Variants in OR6N1 observed in about 807,000 individuals in gnomAD.
OR6N1 encodes the protein olfactory receptor family 6 subfamily N member 1.
For missense variants in OR6N1, 394 were observed against 371.7 expected, an observed-to-expected ratio of 1.06 and a Z score of -0.49; for synonymous variants, 170 against 150.7, an observed-to-expected ratio of 1.13 and a Z score of -0.94.
the OR6N1 span, among the ~76,000 whole-genome samples, chr1:158,833,716 C>T: frequency 7.2e-5 from 11 of 152,206 alleles, no homozygotes; most frequent in South Asian, 1.7e-3. Flanking sequence ...CCATAAAATA[C>T]GTAAGAAACC....
At chr1:158,819,878 C>A in the OR6N1 span, among the ~76,000 whole-genome samples, 1 of 152,182 alleles carries the variant, frequency 6.6e-6, no homozygotes, top group African/African-American at 2.4e-5. Flanking sequence ...CCGAGTTCAG[C>A]TCGGTCAGGG....
At chr1:158,813,505 A>G in the OR6N1 span, among the ~76,000 whole-genome samples, 2 of 152,106 alleles carry the variant, frequency 1.3e-5, no homozygotes. Context: ...AAGAATATTT[A>G]TATTTGCTTG....
At chr1:158,831,986 A>T in the OR6N1 span, among the ~76,000 whole-genome samples, 2 of 152,214 alleles carry the variant, frequency 1.3e-5, no homozygotes, top group African/African-American at 4.8e-5. Context: ...TCTCTATTTT[A>T]AAAAGCATAG....
chr1:158,774,632 T>C (rs1165869544), upstream of OR6N1: 1 of 152,192 alleles, frequency 6.6e-6, no homozygotes, highest in Non-Finnish European at 1.5e-5. Context: ...CATGAAAATT[T>C]ATGTTTACGC....
the OR6N1 span, among the ~76,000 whole-genome samples, chr1:158,817,682 C>T: frequency 6.6e-6 from 1 of 152,134 alleles, no homozygotes; most frequent in East Asian, 1.9e-4. Flanking sequence ...GGAGACATGC[C>T]TACCTGTGGA....
the OR6N1 span, among the ~76,000 whole-genome samples, chr1:158,826,279 T>A: frequency 6.6e-6 from 1 of 152,118 alleles, no homozygotes; most frequent in Non-Finnish European, 1.5e-5. Context: ...AAATAAACAT[T>A]TTTTTAAAAA....
rs551387970 is a variant in OR6N1 at position 158,767,192 on chromosome 1, T to C, written c.-18-492A>G. Among the ~76,000 whole-genome samples, 56 of 152,344 alleles carry C rather than the reference T, an allele frequency of 3.7e-4. 1 individual carries two copies. Among genetic ancestry groups the C allele is most frequent in the African/African-American group, 1.3e-3 (55 of 41,576 alleles). The stretch of plus-strand genomic sequence containing the variant: ...AACTTTCTGGCTACCAAAGAATCAA[T>C]TGTTTTCCCTTCTGCTCCCTCCTAT... On this transcript the variant is annotated intron_variant, in intron 1 of 1. Coordinates refer to ENST00000641846, the MANE Select transcript of OR6N1 (RefSeq NM_001005185.2).
chr1:158,824,365 A>G, the OR6N1 span, among the ~76,000 whole-genome samples: 1 of 151,948 alleles, frequency 6.6e-6, no homozygotes, highest in Admixed American at 6.6e-5. Flanking sequence ...AGTCCAATAA[A>G]CCTTTTTTTC....
At chr1:158,800,599 T>C in the OR6N1 span, among the ~76,000 whole-genome samples, 1 of 152,134 alleles carries the variant, frequency 6.6e-6, no homozygotes, top group Admixed American at 6.5e-5. Flanking sequence ...CTTAGTCAAA[T>C]TTACTAAATT....
At chr1:158,829,955 A>C in the OR6N1 span, among the ~76,000 whole-genome samples, 1 of 152,176 alleles carries the variant, frequency 6.6e-6, no homozygotes, top group African/African-American at 2.4e-5. Flanking sequence ...AAACGATCAG[A>C]TCTCATGAGA....
At chr1:158,839,008 TCC>T in the OR6N1 span, among the ~76,000 whole-genome samples, 5 of 152,332 alleles carry the variant, frequency 3.3e-5, no homozygotes, top group African/African-American at 1.2e-4. Flanking sequence ...CTACCTATTT[TCC>T]TTTAACTCAT....
At chr1:158,815,248 CA>C in the OR6N1 span, among the ~76,000 whole-genome samples, 1 of 152,064 alleles carries the variant, frequency 6.6e-6, no homozygotes, top group Non-Finnish European at 1.5e-5. Context: ...ATGAATATGC[CA>C]GGCAACATGA....
At chr1:158,782,621 G>A in the OR6N1 span, among the ~76,000 whole-genome samples, 1 of 152,138 alleles carries the variant, frequency 6.6e-6, no homozygotes, top group African/African-American at 2.4e-5. Context: ...AGAAAGCTAA[G>A]CTTGCTCTGG....
chr1:158,835,830 T>G, the OR6N1 span, among the ~76,000 whole-genome samples: 1 of 151,892 alleles, frequency 6.6e-6, no homozygotes, highest in Admixed American at 6.6e-5. Flanking sequence ...GTTTCTAACA[T>G]GAAAGGCTAT....
At chr1:158,823,523 AT>A in the OR6N1 span, among the ~76,000 whole-genome samples, 199 of 151,566 alleles carry the variant, frequency 1.3e-3, 4 homozygotes, top group Middle Eastern at 6.8e-3. Flanking sequence ...GTCTCTAAGG[AT>A]TTTTTATATT....
At chr1:158,800,597 A>C in the OR6N1 span, among the ~76,000 whole-genome samples, 1 of 152,178 alleles carries the variant, frequency 6.6e-6, no homozygotes, top group Non-Finnish European at 1.5e-5. Context: ...ATCTTAGTCA[A>C]ATTTACTAAA....
chr1:158,785,147 C>T, the OR6N1 span, among the ~76,000 whole-genome samples: 2 of 152,176 alleles, frequency 1.3e-5, no homozygotes, highest in Admixed American at 6.5e-5. Context: ...ATTTAAACCA[C>T]ATTTTCCTCT....
chr1:158,819,951 A>G, the OR6N1 span, among the ~76,000 whole-genome samples: 2 of 152,222 alleles, frequency 1.3e-5, no homozygotes, highest in East Asian at 3.8e-4. Context: ...AGAGTGTGGA[A>G]TGGGAAATCA....
At chr1:158,790,248 T>C in the OR6N1 span, among the ~76,000 whole-genome samples, 1 of 152,218 alleles carries the variant, frequency 6.6e-6, no homozygotes, top group Non-Finnish European at 1.5e-5. Context: ...ACTTTTGTAG[T>C]ATATTTTGAA....
Sources: allele counts gnomAD v4.1 joint callset (sites outside exome capture counted in the v4.1 genomes callset), GRCh38; gene constraint gnomAD v4.1.1; transcripts MANE v1.5; gene names NCBI Gene and HGNC (gene_info 2026-07-23, HGNC 2026-07-21).